OSBPL1A: variants seen among roughly 807,000 people sequenced by gnomAD.
OSBPL1A encodes oxysterol-binding protein-related protein 1.
In OSBPL1A, 80 loss-of-function variants were observed where a neutral mutation model predicts 137.1. The observed-to-expected ratio is 0.58, with a 90% CI of 0.49 to 0.70. The LOEUF (loss-of-function observed/expected upper bound fraction) is 0.70. Ranked by LOEUF, OSBPL1A falls within the 30% of genes least tolerant of loss-of-function variation. The probability of loss-of-function intolerance (pLI) is 0.00; values close to 1 mark genes in which losing one functional copy is unlikely to be tolerated. For missense variants in OSBPL1A, 970 were observed against 1,129.4 expected (o/e 0.86, Z 2.02); for synonymous variants, 365 against 389.7 (o/e 0.94, Z 0.75).
intron 18 of OSBPL1A, among the ~76,000 whole-genome samples, chr18:24,183,919 A>T (rs1015783552): frequency 2.0e-5 from 3 of 152,206 alleles, no homozygotes; most frequent in Admixed American, 1.3e-4. Flanking sequence ...ATTGAGTTCC[A>T]CTGCTGGGTT....
At chr18:24,223,793 T>G (rs1567956920) in intron 17 of OSBPL1A, among the ~76,000 whole-genome samples, 1 of 152,178 alleles carries the variant, frequency 6.6e-6, no homozygotes, top group South Asian at 2.1e-4. Flanking sequence ...TTTCTGATAT[T>G]AATAATACTG....
chr18:24,295,178 T>A (rs1032751610), intron 14 of OSBPL1A, among the ~76,000 whole-genome samples: 1 of 152,178 alleles, frequency 6.6e-6, no homozygotes, highest in East Asian at 1.9e-4. Flanking sequence ...CTGTTGAGCA[T>A]TTTTTTATAT....
intron 15 of OSBPL1A, among the ~76,000 whole-genome samples, chr18:24,257,643 T>C (rs1001718174): frequency 2.0e-5 from 3 of 151,928 alleles, no homozygotes; most frequent in Non-Finnish European, 2.9e-5. Flanking sequence ...CACATCAAGT[T>C]AAAAAGCTTC....
In OSBPL1A at chr18:24,167,222, A is replaced by T. The variant is rs2086163727; in HGVS notation, c.2535+107T>A. On this transcript the variant is annotated intron_variant, in intron 25 of 27. Coordinates refer to ENST00000319481, the MANE Select transcript of OSBPL1A (RefSeq NM_080597.4). The stretch of plus-strand genomic sequence containing the variant: ...GGAGCCAGTGGGGGCTCAGGATGCC[A>T]ACCTGCCTGTCTCCATGCTGCCTGG... 3 of 1,030,734 alleles carry T rather than the reference A, an allele frequency of 2.9e-6. No homozygotes were observed. In the African/African-American group the frequency reaches 4.8e-5, roughly 16 times the overall value. 63.8% of individuals were successfully genotyped at this position (1,030,734 alleles called of 1,614,324 possible).
chr18:24,329,741 A>T (rs1242678796), intron 7 of OSBPL1A, among the ~76,000 whole-genome samples: 3 of 152,138 alleles, frequency 2.0e-5, no homozygotes, highest in Non-Finnish European at 4.4e-5. Flanking sequence ...TGACTGTAGC[A>T]TATAGTTAAT....
At chr18:24,245,042 G>A (rs1025629847) in intron 15 of OSBPL1A, among the ~76,000 whole-genome samples, 12 of 152,184 alleles carry the variant, frequency 7.9e-5, no homozygotes, top group Admixed American at 3.3e-4. Context: ...TTTCCTCTTC[G>A]CTAGTGCATG....
At position 24,179,835 on chromosome 18, in the gene OSBPL1A, A is replaced by G. The variant is rs755775845; in HGVS notation, c.1813T>C (p.Cys605Arg). 18 of 1,613,516 alleles carry G rather than the reference A, an allele frequency of 1.1e-5. No individual in the cohort carries two copies. Among genetic ancestry groups the G allele is most frequent in the East Asian group, 4.5e-5 (2 of 44,874 alleles). ...SLSDPVERMQ[C>R]VAAFAVSAVA... ...GCAGATACAGCAAACGCAGCTACACACTGTGGGACAGAGCATGAGAACAAG... is the reference window on the plus strand; with the variant it reads ...GCAGATACAGCAAACGCAGCTACACGCTGTGGGACAGAGCATGAGAACAAG... Residue 605 changes from cysteine to arginine, a missense_variant and splice_region_variant, in exon 20 of 28, where the codon TGT becomes CGT. By Grantham distance (180) the Cys-to-Arg change is radical. Transcript: ENST00000319481.
At position 24,212,114 on chromosome 18, in the gene OSBPL1A, C is replaced by A. The variant is rs141809117; in HGVS notation, c.1601+12928G>T. ...GAGATAGTCTCGCTCTCTTGCCAGG[C>A]TGGAGTACAGTGGTGTGATCTTGGC... On this transcript the variant is annotated intron_variant, in intron 17 of 27. Transcript: ENST00000319481. Among the ~76,000 whole-genome samples the A allele has an allele frequency of 3.6e-3, 548 of 151,748 alleles. 6 individuals carry two copies. Among genetic ancestry groups the A allele is most frequent in the African/African-American group, 0.013 (528 of 41,352 alleles).
chr18:24,178,261 C>T (rs2086506529), intron 20 of OSBPL1A, 66 bp from the exon 21 acceptor site: 1 of 1,336,046 alleles, frequency 7.5e-7, no homozygotes, highest in Middle Eastern at 2.6e-4. Context: ...TATCATTAAA[C>T]ATGTACATAA....
chr18:24,173,479 C>T (rs1302229869), intron 21 of OSBPL1A, among the ~76,000 whole-genome samples: 8 of 152,158 alleles, frequency 5.3e-5, no homozygotes. Context: ...GTGGCGTGAT[C>T]TCGGCTCATT....
chr18:24,205,908 T>C (rs1224229729), intron 17 of OSBPL1A, among the ~76,000 whole-genome samples: 1 of 152,254 alleles, frequency 6.6e-6, no homozygotes, highest in African/African-American at 2.4e-5. Context: ...GTTGTTGTTT[T>C]GAGACAGAGT....
chr18:24,362,725 CATT>C (rs941482664), intron 4 of OSBPL1A, among the ~76,000 whole-genome samples: 1 of 152,058 alleles, frequency 6.6e-6, no homozygotes. Flanking sequence ...ATCAAAAAAA[CATT>C]AATATGGGGT....
chr18:24,214,753 G>A (rs1476156421), intron 17 of OSBPL1A, among the ~76,000 whole-genome samples: 1 of 152,152 alleles, frequency 6.6e-6, no homozygotes, highest in East Asian at 1.9e-4. Flanking sequence ...ACAAGGGTTT[G>A]GGGAAAACTG....
intron 17 of OSBPL1A, among the ~76,000 whole-genome samples, chr18:24,207,077 A>C (rs1317672178): frequency 6.6e-6 from 1 of 152,210 alleles, no homozygotes; most frequent in Non-Finnish European, 1.5e-5. Flanking sequence ...ATAAGTAAGC[A>C]ATGAGGTATG....
Position 24,181,153 on chromosome 18 carries a change from T to C in OSBPL1A, c.1804A>G (p.Arg602Gly). 1.2e-6 allele frequency: 2 copies of C among 1,613,902 alleles called. No homozygotes were observed. Among genetic ancestry groups the C allele is most frequent in the Non-Finnish European group, 8.5e-7 (1 of 1,179,926 alleles). ...CCTCCCTTGGCTCATACCTGCATCC[T>C]TTCCACAGGATCAGAGAGTGAACTG... ...KASSLSDPVERMQCVAAFAVS... is the reference protein window; with the variant it reads ...KASSLSDPVEGMQCVAAFAVS... Residue 602 changes from arginine to glycine, a missense_variant, in exon 19 of 28, where the codon AGG (arginine) becomes GGG (glycine). This residue lies in a region of OSBPL1A where 323 missense variants were observed against 456.8 expected (regional missense o/e 0.71). Transcript: ENST00000319481.
At chr18:24,184,058 T>C (rs939230191) in intron 18 of OSBPL1A, among the ~76,000 whole-genome samples, 5 of 152,234 alleles carry the variant, frequency 3.3e-5, no homozygotes, top group African/African-American at 1.2e-4. Context: ...TAATGCTATA[T>C]GTGTGCTTGT....
At chr18:24,276,662 C>T (rs2089851655) in intron 15 of OSBPL1A, among the ~76,000 whole-genome samples, 1 of 152,096 alleles carries the variant, frequency 6.6e-6, no homozygotes, top group African/African-American at 2.4e-5. Flanking sequence ...CCAGGCTGGT[C>T]TCGAACTCCT....
chr18:24,358,185 C>T, intron 4 of OSBPL1A: 1 of 459,336 alleles, frequency 2.2e-6, no homozygotes, highest in Non-Finnish European at 3.8e-6. Context: ...ACAAGGGCAG[C>T]AACTCCAGCC....
At chr18:24,238,522 A>G in intron 16 of OSBPL1A, among the ~76,000 whole-genome samples, 1 of 152,184 alleles carries the variant, frequency 6.6e-6, no homozygotes, top group South Asian at 2.1e-4. Flanking sequence ...TGTTCTAACC[A>G]CTATCTAAAC....
Sources: allele counts gnomAD v4.1 joint callset (sites outside exome capture counted in the v4.1 genomes callset), GRCh38; gene constraint gnomAD v4.1.1; regional missense constraint gnomAD v4.1.1; transcripts MANE v1.5; gene names NCBI Gene and HGNC (gene_info 2026-07-23, HGNC 2026-07-21).